SLC6A6: variants seen among roughly 807,000 people sequenced by gnomAD.
SLC6A6 encodes solute carrier family 6 member 6, also known as sodium- and chloride-dependent taurine transporter.
Under a neutral mutation model 68.8 loss-of-function variants are expected in SLC6A6, and 16 were observed. The observed-to-expected ratio is 0.23, with a 90% CI of 0.16 to 0.35. The LOEUF (loss-of-function observed/expected upper bound fraction) is 0.35. Ranked by LOEUF, SLC6A6 falls within the 10% of genes least tolerant of loss-of-function variation. The pLI is 1.00. For missense variants in SLC6A6, 474 were observed against 802.8 expected, an observed-to-expected ratio of 0.59 and a Z score of 4.95; for synonymous variants, 312 against 315.4, an observed-to-expected ratio of 0.99 and a Z score of 0.12.
intron 4 of SLC6A6, 104 bp downstream of exon 4, chr3:14,445,955 C>T (rs1423433309): frequency 1.7e-6 from 2 of 1,148,312 alleles, no homozygotes; most frequent in Admixed American, 2.0e-5. Flanking sequence ...TCATGCACAT[C>T]ACTTAGCTCT....
At chr3:14,417,572 A>T (rs922315466) in intron 2 of SLC6A6, among the ~76,000 whole-genome samples, 8 of 152,036 alleles carry the variant, frequency 5.3e-5, no homozygotes, top group Non-Finnish European at 1.0e-4. Context: ...TCTACTAAAA[A>T]ACACAAAAAA....
At position 14,441,730 on chromosome 3, in the gene SLC6A6, C is replaced by T. The variant is rs190923384; in HGVS notation, c.-11-1894C>T. Among the ~76,000 whole-genome samples, 851 of 152,366 alleles carry T rather than the reference C, an allele frequency of 5.6e-3. 30 individuals are homozygous for T. Among genetic ancestry groups the T allele is most frequent in the Admixed American group, 0.054 (821 of 15,312 alleles). On this transcript the variant is annotated intron_variant, in intron 2 of 14. Coordinates refer to ENST00000622186, the MANE Select transcript of SLC6A6 (RefSeq NM_003043.6). ...CCAAGTCCTCAGGCAGCTACTGCCT[C>T]ACCCTGCCTGCAAGGCCCTGAGGCC...
chr3:14,463,892 G>A (rs1040094986), intron 6 of SLC6A6, among the ~76,000 whole-genome samples: 1 of 152,346 alleles, frequency 6.6e-6, no homozygotes, highest in East Asian at 1.9e-4. Flanking sequence ...GGCCAAAGAG[G>A]CTTCTTGAAT....
chr3:14,433,840 C>CA, intron 2 of SLC6A6, among the ~76,000 whole-genome samples: 1 of 149,550 alleles, frequency 6.7e-6, no homozygotes, highest in African/African-American at 2.5e-5. Context: ...TCATAAGTAC[C>CA]TGCAGGGAAA....
At chr3:14,413,466 T>C (rs1032616103) in intron 1 of SLC6A6, among the ~76,000 whole-genome samples, 22 of 152,178 alleles carry the variant, frequency 1.4e-4, no homozygotes, top group Admixed American at 1.1e-3. Context: ...CTCAGCAAAC[T>C]GGGAAAAGTA....
intron 7 of SLC6A6, among the ~76,000 whole-genome samples, chr3:14,467,171 T>C (rs972870842): frequency 6.6e-6 from 1 of 152,200 alleles, no homozygotes; most frequent in Non-Finnish European, 1.5e-5. Context: ...GGAGATTTTC[T>C]GGGTTTGTTT....
chr3:14,476,524 G>A (rs149645266), intron 10 of SLC6A6, among the ~76,000 whole-genome samples: 5 of 152,322 alleles, frequency 3.3e-5, no homozygotes, highest in South Asian at 4.1e-4. Flanking sequence ...CACACACAGC[G>A]TGTGTGCGCA....
At chr3:14,415,741 G>T (rs758597828) in intron 1 of SLC6A6, among the ~76,000 whole-genome samples, 2 of 152,108 alleles carry the variant, frequency 1.3e-5, no homozygotes, top group Admixed American at 6.5e-5. Context: ...AGTCTTCTGG[G>T]TTAGTCACGT....
chr3:14,461,317 G>GC (rs1479962629), intron 6 of SLC6A6, among the ~76,000 whole-genome samples: 1 of 152,216 alleles, frequency 6.6e-6, no homozygotes, highest in Non-Finnish European at 1.5e-5. Flanking sequence ...TCATTACCTT[G>GC]CCCAGCATCC....
Position 14,436,443 on chromosome 3 carries a change from A to G in SLC6A6, c.-11-7181A>G, listed in dbSNP as rs189194248. On this transcript the variant is annotated intron_variant, in intron 2 of 14. Transcript: ENST00000622186. ...TATCTGGAACTCCTGGCCTCAAGCC[A>G]CCCTTTCACTTCAGCCTTCCAGAGT... Among the ~76,000 whole-genome samples, 283 of 143,450 alleles carry G rather than the reference A, an allele frequency of 2.0e-3. 1 individual carries two copies. Among genetic ancestry groups the G allele is most frequent in the Admixed American group, 4.5e-3 (62 of 13,870 alleles). 94.1% of individuals were successfully genotyped at this position (143,450 alleles called of 152,430 possible).
intron 5 of SLC6A6, among the ~76,000 whole-genome samples, chr3:14,457,399 C>T (rs747136450): frequency 6.6e-6 from 1 of 152,206 alleles, no homozygotes; most frequent in Non-Finnish European, 1.5e-5. Flanking sequence ...AGCTGCATCC[C>T]AGACCCTGAA....
Position 14,481,626 on chromosome 3 carries a change from C to G in SLC6A6, c.1552-45C>G. On this transcript the variant is annotated intron_variant, in intron 13 of 14. Coordinates refer to ENST00000622186, the MANE Select transcript of SLC6A6 (RefSeq NM_003043.6). This position sits in a 1 kb window ranked among gnomAD's most constrained non-coding sequence, Gnocchi z 4.7. ...CCTAGTCCCAGAAGCCCCCCACCCCCCGATGCCCAGGACCCCTCTCCTGAC... is the reference window on the plus strand; with the variant it reads ...CCTAGTCCCAGAAGCCCCCCACCCCGCGATGCCCAGGACCCCTCTCCTGAC... The G allele has an allele frequency of 2.1e-6, 3 of 1,400,680 alleles. No individual in the cohort carries two copies. Among genetic ancestry groups the G allele is most frequent in the South Asian group, 1.3e-5 (1 of 79,600 alleles). 86.8% of individuals were successfully genotyped at this position (1,400,680 alleles called of 1,614,324 possible).
intron 2 of SLC6A6, among the ~76,000 whole-genome samples, chr3:14,423,089 G>C (rs977327551): frequency 6.6e-6 from 1 of 152,214 alleles, no homozygotes. Flanking sequence ...GGTGGGAAGA[G>C]GTGGCATGTG....
At chr3:14,407,463 T>C (rs892009691) in intron 1 of SLC6A6, among the ~76,000 whole-genome samples, 1 of 152,112 alleles carries the variant, frequency 6.6e-6, no homozygotes, top group Non-Finnish European at 1.5e-5. Context: ...GAAAGTTGTC[T>C]TGTGCTCCTC....
chr3:14,482,034 G>C, intron 14 of SLC6A6, among the ~76,000 whole-genome samples, 193 bp downstream of exon 14: 1 of 152,230 alleles, frequency 6.6e-6, no homozygotes, highest in East Asian at 1.9e-4. Flanking sequence ...GTTCACATGG[G>C]AGAAGGCTTT....
At chr3:14,455,703 C>A (rs1414436515) in intron 5 of SLC6A6, among the ~76,000 whole-genome samples, 1 of 152,242 alleles carries the variant, frequency 6.6e-6, no homozygotes, top group Non-Finnish European at 1.5e-5. Context: ...ACAAGGAAGT[C>A]TTGGGCCACT....
chr3:14,438,872 A>G (rs1248025822), intron 2 of SLC6A6, among the ~76,000 whole-genome samples: 1 of 152,184 alleles, frequency 6.6e-6, no homozygotes, highest in Non-Finnish European at 1.5e-5. Flanking sequence ...TTAAATTGAG[A>G]AGTGCAGGGT....
chr3:14,451,992 C>T (rs1044889908), intron 5 of SLC6A6, among the ~76,000 whole-genome samples: 2 of 152,198 alleles, frequency 1.3e-5, no homozygotes, highest in Admixed American at 6.5e-5. Flanking sequence ...CCCGTCCTTT[C>T]CTTCAGCAGG....
At chr3:14,478,708 A>G (rs1574967614) in intron 12 of SLC6A6, 140 bp downstream of exon 12, 10 of 664,640 alleles carry the variant, frequency 1.5e-5, no homozygotes, top group Non-Finnish European at 2.7e-5. Context: ...TACACAAATA[A>G]TCTCACTGTA....
Sources: gnomAD v4.1 joint callset for allele counts (sites outside exome capture counted in the v4.1 genomes callset) on GRCh38, gnomAD v4.1.1 for gene constraint, Gnocchi (gnomAD v3.1) non-coding constraint, MANE v1.5 for transcripts, NCBI Gene and HGNC (gene_info 2026-07-23, HGNC 2026-07-21) for gene names.